Variants in MEGF11 observed in about 807,000 individuals in gnomAD.
MEGF11 encodes the protein multiple EGF like domains 11, also known as multiple epidermal growth factor-like domains protein 11.
Under a neutral mutation model 146.6 loss-of-function variants are expected in MEGF11, and 126 were observed. The observed-to-expected ratio is 0.86, with a 90% CI of 0.74 to 1.00. MEGF11 has a LOEUF of 1.00. MEGF11 is among the 50% of genes least tolerant of loss of function. The pLI is 0.00. For synonymous variants in MEGF11, 532 were observed against 583.4 expected (o/e 0.91, Z 1.27); for missense variants, 1,509 against 1,521.2 (o/e 0.99, Z 0.13).
At chr15:66,080,266 G>A (rs949124091) in intron 5 of MEGF11, among the ~76,000 whole-genome samples, 12 of 152,210 alleles carry the variant, frequency 7.9e-5, no homozygotes, top group Non-Finnish European at 1.5e-4. Context: ...ATGACCTCGT[G>A]GAAAGCCTCA....
intron 5 of MEGF11, among the ~76,000 whole-genome samples, chr15:66,013,649 C>A (rs902650091): frequency 4.6e-5 from 7 of 152,290 alleles, no homozygotes; most frequent in Non-Finnish European, 5.9e-5. Context: ...TACTCCAACA[C>A]CCATCATGAT....
chr15:66,241,384 A>C (rs1371634564), intron 1 of MEGF11, among the ~76,000 whole-genome samples: 1 of 152,236 alleles, frequency 6.6e-6, no homozygotes, highest in African/African-American at 2.4e-5. Flanking sequence ...AAAATTCTTA[A>C]TATAATGACC....
intron 5 of MEGF11, among the ~76,000 whole-genome samples, chr15:66,054,294 C>A (rs1434745288): frequency 2.0e-5 from 3 of 152,178 alleles, no homozygotes; most frequent in African/African-American, 7.2e-5. Flanking sequence ...CGATCAGGTC[C>A]CCTCTTGGTT....
Position 65,982,462 on chromosome 15 carries a change from G to C in MEGF11, c.421C>G (p.His141Asp). Residue 141 changes from histidine to aspartate, a missense_variant, in exon 6 of 26, where the codon CAC (histidine) becomes GAC (aspartate). His to Asp is a moderately conservative substitution (Grantham distance 81, BLOSUM62 -1). Transcript: ENST00000395614. This position sits in a 1 kb window ranked among gnomAD's most constrained non-coding sequence, Gnocchi z 5.6. ...TGGCACTGGCACCGGTTGCTGCAGT[G>C]GGGCCCCCAGTGGTCGCTGTCGCAG... Reference protein sequence around the residue: ...SGCDSDHWGPHCSNRCQCQNG... With the variant: ...SGCDSDHWGPDCSNRCQCQNG... 1 of 1,484,818 alleles carries C rather than the reference G, an allele frequency of 6.7e-7. No individual in the cohort carries two copies. 92.0% of individuals were successfully genotyped at this position (1,484,818 alleles called of 1,614,324 possible).
At chr15:66,102,723 A>G (rs982243106) in intron 4 of MEGF11, among the ~76,000 whole-genome samples, 1 of 152,192 alleles carries the variant, frequency 6.6e-6, no homozygotes, top group African/African-American at 2.4e-5. Flanking sequence ...AATTACAGGC[A>G]TGAGCCAGCA....
chr15:66,090,266 C>T (rs2140639690), intron 5 of MEGF11, among the ~76,000 whole-genome samples: 1 of 152,266 alleles, frequency 6.6e-6, no homozygotes, highest in East Asian at 1.9e-4. Flanking sequence ...GATGATGGAT[C>T]TTCAAAACCC....
intron 8 of MEGF11, among the ~76,000 whole-genome samples, chr15:65,968,385 T>G (rs2081189027): frequency 6.6e-6 from 1 of 152,172 alleles, no homozygotes; most frequent in Non-Finnish European, 1.5e-5. Context: ...CTGATACCTG[T>G]TCCTTTTCAA....
chr15:65,997,009 C>G (rs186768978), intron 5 of MEGF11, among the ~76,000 whole-genome samples: 3 of 152,202 alleles, frequency 2.0e-5, no homozygotes, highest in Non-Finnish European at 4.4e-5. Flanking sequence ...GGAAGCACGT[C>G]GCTTTGGGAT....
intron 10 of MEGF11, among the ~76,000 whole-genome samples, chr15:65,940,402 CA>C (rs2079945769): frequency 6.6e-6 from 1 of 152,248 alleles, no homozygotes. Flanking sequence ...AGTCACACCC[CA>C]CTCCCAACTC....
At chr15:66,104,047 C>T (rs552320225) in intron 4 of MEGF11, among the ~76,000 whole-genome samples, 107 of 152,364 alleles carry the variant, frequency 7.0e-4, no homozygotes, top group African/African-American at 2.5e-3. Flanking sequence ...AAATGCATTA[C>T]TGCAAAGTCA....
intron 1 of MEGF11, among the ~76,000 whole-genome samples, chr15:66,129,342 G>A (rs2088543136): frequency 6.6e-6 from 1 of 152,204 alleles, no homozygotes; most frequent in Non-Finnish European, 1.5e-5. Context: ...ACCTTGAGGG[G>A]TGCAGAGGAG....
chr15:66,054,748 T>A (rs762887038), intron 5 of MEGF11, among the ~76,000 whole-genome samples: 1 of 152,128 alleles, frequency 6.6e-6, no homozygotes, highest in Non-Finnish European at 1.5e-5. Flanking sequence ...TGAGAGGTGC[T>A]CTTAAATAGG....
chr15:66,024,802 G>A (rs369691179), intron 5 of MEGF11, among the ~76,000 whole-genome samples: 3 of 152,124 alleles, frequency 2.0e-5, no homozygotes, highest in East Asian at 3.9e-4. Context: ...GGGCCGGGAC[G>A]GGGGCACTGT....
intron 2 of MEGF11, among the ~76,000 whole-genome samples, chr15:66,126,319 C>T (rs2088343739): frequency 6.6e-6 from 1 of 152,186 alleles, no homozygotes; most frequent in South Asian, 2.1e-4. Flanking sequence ...AGGCATCGCC[C>T]ACAAGCCTTC....
At chr15:66,135,447 C>T (rs1423344562) in intron 1 of MEGF11, among the ~76,000 whole-genome samples, 4 of 152,174 alleles carry the variant, frequency 2.6e-5, no homozygotes, top group African/African-American at 7.2e-5. Context: ...CTGCCCCAAG[C>T]CCCTGAACAC....
At chr15:66,103,692 T>C (rs542794153) in intron 4 of MEGF11, among the ~76,000 whole-genome samples, 183 of 152,230 alleles carry the variant, frequency 1.2e-3, no homozygotes, top group African/African-American at 4.0e-3. Context: ...CAAAGCCCCA[T>C]CATATTCTCT....
At chr15:65,906,059 T>G in intron 24 of MEGF11, 26 bp downstream of exon 24, 1 of 1,589,930 alleles carries the variant, frequency 6.3e-7, no homozygotes, top group South Asian at 1.1e-5. Flanking sequence ...CCCTCTGTAA[T>G]AAGACAGCAG....
intron 24 of MEGF11, among the ~76,000 whole-genome samples, chr15:65,903,549 A>G (rs1356317058): frequency 1.3e-5 from 2 of 152,200 alleles, no homozygotes; most frequent in Non-Finnish European, 2.9e-5. Context: ...AGTGGAAGAA[A>G]CCAAGACCCA....
At chr15:65,900,041 TAG>T (rs2078457050) in intron 24 of MEGF11, among the ~76,000 whole-genome samples, 1 of 152,146 alleles carries the variant, frequency 6.6e-6, no homozygotes, top group South Asian at 2.1e-4. Flanking sequence ...CTCCTGCAGA[TAG>T]TCCCAGGCAA....
Sources: gnomAD v4.1 joint callset for allele counts (sites outside exome capture counted in the v4.1 genomes callset) on GRCh38, gnomAD v4.1.1 for gene constraint, Gnocchi (gnomAD v3.1) non-coding constraint, MANE v1.5 for transcripts, NCBI Gene and HGNC (gene_info 2026-07-23, HGNC 2026-07-21) for gene names.